The following BCAS3 variants were observed in gnomAD, a reference collection of about 807,000 sequenced individuals.
BCAS3 encodes the protein BCAS3 microtubule associated cell migration factor, also known as BCAS4/BCAS3 fusion.
A neutral mutation model predicts 116.1 loss-of-function variants in BCAS3; 53 were observed. The ratio of observed to expected loss-of-function variants is 0.46; its 90% CI spans 0.37 to 0.57. BCAS3 has a LOEUF of 0.57. Among genes scored for constraint, BCAS3 ranks in the 20% least tolerant of loss-of-function variants. The pLI is 0.00. For missense variants in BCAS3, 917 were observed against 1,165.4 expected (o/e 0.79, Z 3.10); for synonymous variants, 391 against 408.2 (o/e 0.96, Z 0.51).
At chr17:61,274,381 T>C (rs1392707354) in intron 22 of BCAS3, among the ~76,000 whole-genome samples, 1 of 148,488 alleles carries the variant, frequency 6.7e-6, no homozygotes, top group Non-Finnish European at 1.5e-5. Context: ...CTCTGCCTCC[T>C]GGGTTCAAGC....
At chr17:61,389,746 C>T (rs943961798) in intron 23 of BCAS3, 1 of 152,262 alleles carries the variant, frequency 6.6e-6, no homozygotes, top group African/African-American at 2.4e-5. Flanking sequence ...CTTGTAAGCC[C>T]CTGGGTGGCT....
In BCAS3 at chr17:61,097,815, A is replaced by G. The variant is rs78093365; in HGVS notation, c.2425+13251A>G. ...TAGCTCCTGATACTTAAAATTACTTAAAGTGCATTATGGTGACACCTCAGA... is the reference window on the plus strand; with the variant it reads ...TAGCTCCTGATACTTAAAATTACTTGAAGTGCATTATGGTGACACCTCAGA... On this transcript the variant is annotated intron_variant, in intron 22 of 23. Transcript: ENST00000407086. This position sits in a 1 kb window ranked among gnomAD's most constrained non-coding sequence, Gnocchi z 4.0. 0.01 allele frequency among the ~76,000 whole-genome samples: 1,528 copies of G among 152,332 alleles called. 31 individuals carry two copies. The highest frequency in any genetic ancestry group is 0.035 in the African/African-American group (1,464 of 41,576).
rs1428112826 is a variant in BCAS3, at chr17:61,316,082, A to T, written c.2426-52245A>T. 6.6e-6 allele frequency among the ~76,000 whole-genome samples: 1 copy of T among 152,112 alleles called. No homozygotes were observed. The highest frequency in any genetic ancestry group is 1.5e-5 in the Non-Finnish European group (1 of 68,018). On this transcript the variant is annotated intron_variant, in intron 22 of 23. Coordinates refer to ENST00000407086, the MANE Select transcript of BCAS3 (RefSeq NM_017679.5). The surrounding 1 kb of genome is among the most constrained non-coding windows in gnomAD (Gnocchi z 5.8). ...CATTTTGGGAAGTCGAGGCAGGTGG[A>T]TCACCTGAGGTCAGGAGTTCGAAAC...
At chr17:60,835,914 C>G (rs2051329525) in intron 7 of BCAS3, among the ~76,000 whole-genome samples, 1 of 152,032 alleles carries the variant, frequency 6.6e-6, no homozygotes, top group African/African-American at 2.4e-5. Flanking sequence ...ATGGAATTTT[C>G]CCAAGTATGT....
At chr17:60,867,557 T>A (rs575186065) in intron 7 of BCAS3, among the ~76,000 whole-genome samples, 1 of 152,360 alleles carries the variant, frequency 6.6e-6, no homozygotes, top group South Asian at 2.1e-4. Flanking sequence ...TCTCAATTTA[T>A]AAAAATATAC....
intron 21 of BCAS3, among the ~76,000 whole-genome samples, chr17:61,080,774 A>T (rs946141705): frequency 6.6e-6 from 1 of 151,980 alleles, no homozygotes; most frequent in Non-Finnish European, 1.5e-5. Flanking sequence ...CAACAAACAA[A>T]CCAACACACA....
At chr17:60,805,656 C>T (rs1295900729) in intron 6 of BCAS3, among the ~76,000 whole-genome samples, 8 of 151,824 alleles carry the variant, frequency 5.3e-5, no homozygotes, top group African/African-American at 7.3e-5. Flanking sequence ...GGTGAAACCC[C>T]GGCTCTACTA....
Position 61,188,760 on chromosome 17 carries a change from C to A in BCAS3, c.2425+104196C>A, listed in dbSNP as rs982270704. ...CATACAAATTTTAAATATGTTAAAC[C>A]TATGATAAGATACAGATTAAAAATC... On this transcript the variant is annotated intron_variant, in intron 22 of 23. Transcript: ENST00000407086. The surrounding 1 kb of genome is among the most constrained non-coding windows in gnomAD (Gnocchi z 4.0). Among the ~76,000 whole-genome samples the A allele has an allele frequency of 3.9e-5, 6 of 152,094 alleles. No individual in the cohort carries two copies. The highest frequency in any genetic ancestry group is 1.4e-4 in the African/African-American group (6 of 41,408).
chr17:60,898,436 G>T (rs2057656930), intron 10 of BCAS3, among the ~76,000 whole-genome samples: 1 of 152,094 alleles, frequency 6.6e-6, no homozygotes, highest in Non-Finnish European at 1.5e-5. Context: ...GGTGTGTGCG[G>T]TAATGTAGTC....
rs749653693 is a variant in BCAS3 at position 61,380,535 on chromosome 17, T to C, written c.2594-11442T>C. On this transcript the variant is annotated intron_variant, in intron 23 of 23. Transcript: ENST00000407086. This position sits in a 1 kb window ranked among gnomAD's most constrained non-coding sequence, Gnocchi z 4.2. ...AGCCCTTGACGTAGCAGTAAAAACC[T>C]TCCCCCCTGAGAGACACGTGGCAGT... is the stretch of plus-strand genomic sequence containing the variant. 1.4e-4 allele frequency: 220 copies of C among 1,598,192 alleles called. No homozygotes were observed. Among genetic ancestry groups the C allele is most frequent in the Non-Finnish European group, 1.8e-4 (207 of 1,179,686 alleles).
In BCAS3 at chr17:61,004,395, T is replaced by C. The variant is rs1397208539; in HGVS notation, c.1487-11356T>C. Among the ~76,000 whole-genome samples, 1 of 150,998 alleles carries C rather than the reference T, an allele frequency of 6.6e-6. No individual in the cohort carries two copies. Among genetic ancestry groups the C allele is most frequent in the East Asian group, 1.9e-4 (1 of 5,152 alleles). Reference sequence around the variant, plus strand: ...TTTTTTTTTTTAATTTGGAGAAAAATTGGAGAGGGAGAAGAGAGTGAGTAG... The same window carrying C: ...TTTTTTTTTTTAATTTGGAGAAAAACTGGAGAGGGAGAAGAGAGTGAGTAG... On this transcript the variant is annotated intron_variant, in intron 15 of 23. Coordinates refer to ENST00000407086, the MANE Select transcript of BCAS3 (RefSeq NM_017679.5). This position sits in a 1 kb window ranked among gnomAD's most constrained non-coding sequence, Gnocchi z 4.8.
rs2082993538 is a variant in BCAS3 at position 61,235,713 on chromosome 17, AAG to A, written c.2426-132613_2426-132612del. On this transcript the variant is annotated intron_variant, in intron 22 of 23. Coordinates refer to ENST00000407086, the MANE Select transcript of BCAS3 (RefSeq NM_017679.5). The surrounding 1 kb of genome is among the most constrained non-coding windows in gnomAD (Gnocchi z 5.0). ...TTTTGAATTGTTTAAAAAAAAAAAAAAGGAGAAGAAGGAGAAAGAAAGACAAG... is the reference window on the plus strand; with the variant it reads ...TTTTGAATTGTTTAAAAAAAAAAAAAGAGAAGAAGGAGAAAGAAAGACAAG... Among the ~76,000 whole-genome samples the A allele has an allele frequency of 6.6e-6, 1 of 151,618 alleles. No homozygotes were observed. The highest frequency in any genetic ancestry group is 2.1e-4 in the South Asian group (1 of 4,790).
At chr17:61,074,235 GAAGAAAAA>G (rs1304628332) in intron 19 of BCAS3, among the ~76,000 whole-genome samples, 1 of 147,566 alleles carries the variant, frequency 6.8e-6, no homozygotes, top group Non-Finnish European at 1.5e-5. Flanking sequence ...AAAAAAAAAA[GAAGAAAAA>G]AAGAAAAAAA....
chr17:61,278,162 C>T lies in BCAS3; in HGVS notation c.2426-90165C>T, dbSNP rs1024909681. Among the ~76,000 whole-genome samples the T allele has an allele frequency of 6.6e-6, 1 of 152,194 alleles. No homozygotes were observed. The highest frequency in any genetic ancestry group is 2.4e-5 in the African/African-American group (1 of 41,436). On this transcript the variant is annotated intron_variant, in intron 22 of 23. Coordinates refer to ENST00000407086, the MANE Select transcript of BCAS3 (RefSeq NM_017679.5). The surrounding 1 kb of genome is among the most constrained non-coding windows in gnomAD (Gnocchi z 5.8). Reference sequence around the variant, plus strand: ...GATTCAAGCAATTCTCCTGCCTCAGCCTCCCGAGTAGCTGGGATTACAGAC... The same window carrying T: ...GATTCAAGCAATTCTCCTGCCTCAGTCTCCCGAGTAGCTGGGATTACAGAC...
rs1375109827 is a variant in BCAS3 at position 61,181,015 on chromosome 17, C to G, written c.2425+96451C>G. ...GGGGGATCACTTGAGCCCAAGAGTT[C>G]GAGACCAGCCTGGGCAACAAAGTGA... On this transcript the variant is annotated intron_variant, in intron 22 of 23. Transcript: ENST00000407086. This position sits in a 1 kb window ranked among gnomAD's most constrained non-coding sequence, Gnocchi z 5.0. Among the ~76,000 whole-genome samples, 1 of 151,756 alleles carries G rather than the reference C, an allele frequency of 6.6e-6. No individual in the cohort carries two copies. The highest frequency in any genetic ancestry group is 2.1e-4 in the South Asian group (1 of 4,800).
rs567236583 is a variant in BCAS3 at position 60,779,151 on chromosome 17, C to T, written c.404-28853C>T. ...ATCTAAAATTTGGAGCCTGTTTGAG[C>T]TTACTCTAGCTCTGGAGGCTGCCTG... On this transcript the variant is annotated intron_variant, in intron 6 of 23. Transcript: ENST00000407086. Among the ~76,000 whole-genome samples, 4 of 152,184 alleles carry T rather than the reference C, an allele frequency of 2.6e-5. No homozygotes were observed. In the East Asian group the frequency reaches 7.7e-4, roughly 29 times the overall value.
chr17:61,237,207 G>A (rs1473919535), intron 22 of BCAS3, among the ~76,000 whole-genome samples: 1 of 152,018 alleles, frequency 6.6e-6, no homozygotes, highest in Non-Finnish European at 1.5e-5. Context: ...GCTAGCAAGG[G>A]GATTGTAACA....
chr17:60,694,201 T>A (rs1014253072), intron 4 of BCAS3, among the ~76,000 whole-genome samples: 10 of 148,884 alleles, frequency 6.7e-5, no homozygotes, highest in Non-Finnish European at 1.0e-4. Context: ...TTTTAATTTT[T>A]AAAAAAATTA....
In BCAS3 at chr17:60,749,450, G is replaced by A. The variant is rs116376870; in HGVS notation, c.403+2171G>A. 1.9e-3 allele frequency among the ~76,000 whole-genome samples: 296 copies of A among 152,184 alleles called. 1 individual carries two copies. Among genetic ancestry groups the A allele is most frequent in the African/African-American group, 6.8e-3 (281 of 41,512 alleles). ...CTTGATTCACACATTTTCCTGGACC[G>A]TTTTAATTTGGAAATGCAAGTCTGG... On this transcript the variant is annotated intron_variant, in intron 6 of 23. Transcript: ENST00000407086.
Sources: allele counts gnomAD v4.1 joint callset (sites outside exome capture counted in the v4.1 genomes callset), GRCh38; gene constraint gnomAD v4.1.1; non-coding constraint Gnocchi (gnomAD v3.1); transcripts MANE v1.5; gene names NCBI Gene and HGNC (gene_info 2026-07-23, HGNC 2026-07-21).